The following DLC1 variants were observed in gnomAD, a reference collection of about 807,000 sequenced individuals.
The protein encoded by DLC1 is DLC1 Rho GTPase activating protein.
DLC1 carries 54 observed loss-of-function variants against 140.3 expected under a neutral mutation model. The observed-to-expected ratio is 0.38, with a 90% CI of 0.31 to 0.48. DLC1 has a LOEUF of 0.48. DLC1 is among the 20% of genes least tolerant of loss of function. The probability of loss-of-function intolerance (pLI) is 0.96; values close to 1 mark genes in which losing one functional copy is unlikely to be tolerated. For synonymous variants in DLC1, 986 were observed against 728.1 expected, an observed-to-expected ratio of 1.35 and a Z score of -5.70; for missense variants, 2,536 against 1,907.0, an observed-to-expected ratio of 1.33 and a Z score of -6.14.
intron 5 of DLC1, among the ~76,000 whole-genome samples, chr8:13,300,597 G>A (rs116759228): frequency 7.9e-4 from 120 of 152,176 alleles, no homozygotes; most frequent in African/African-American, 2.8e-3. Context: ...CACATTGGTC[G>A]GCCTCCCAGG....
At chr8:13,353,796 G>C (rs531420770) in intron 4 of DLC1, among the ~76,000 whole-genome samples, 2 of 152,072 alleles carry the variant, frequency 1.3e-5, no homozygotes, top group South Asian at 4.2e-4. Context: ...GGCAGAGGTT[G>C]CAGTGAGCTG....
intron 1 of DLC1, among the ~76,000 whole-genome samples, chr8:13,586,614 C>CA (rs1222863839): frequency 1.3e-5 from 2 of 151,358 alleles, no homozygotes; most frequent in Non-Finnish European, 3.0e-5. Flanking sequence ...CACACACACA[C>CA]ACACACACAC....
At chr8:13,110,661 A>C in intron 7 of DLC1, 81 bp downstream of exon 7, 1 of 1,354,470 alleles carries the variant, frequency 7.4e-7, no homozygotes, top group East Asian at 2.3e-5. Flanking sequence ...CAAGAACAAA[A>C]GCAAACAAAG....
intron 4 of DLC1, among the ~76,000 whole-genome samples, chr8:13,355,577 C>A (rs1318557651): frequency 6.6e-6 from 1 of 152,062 alleles, no homozygotes; most frequent in Non-Finnish European, 1.5e-5. Flanking sequence ...CAGATCAGGA[C>A]CCCACCTTCT....
chr8:13,452,968 C>G (rs1563359050), intron 2 of DLC1, among the ~76,000 whole-genome samples: 1 of 151,912 alleles, frequency 6.6e-6, no homozygotes, highest in Non-Finnish European at 1.5e-5. Flanking sequence ...CTCACAGTTT[C>G]TTGTTGTTGT....
chr8:13,200,668 A>C (rs1225595893), intron 5 of DLC1, among the ~76,000 whole-genome samples: 1 of 151,838 alleles, frequency 6.6e-6, no homozygotes, highest in African/African-American at 2.4e-5. Context: ...GCAGTAGTAC[A>C]GTCATAAGTC....
At chr8:13,189,405 G>C (rs1167646157) in intron 5 of DLC1, among the ~76,000 whole-genome samples, 1 of 152,044 alleles carries the variant, frequency 6.6e-6, no homozygotes, top group Non-Finnish European at 1.5e-5. Flanking sequence ...TTAAGGCTGA[G>C]AGTTCAAGGC....
At chr8:13,481,219 G>A (rs1321090553) in intron 2 of DLC1, among the ~76,000 whole-genome samples, 1 of 152,124 alleles carries the variant, frequency 6.6e-6, no homozygotes, top group Non-Finnish European at 1.5e-5. Flanking sequence ...GAGCTCAAGA[G>A]TTTGAGACCA....
intron 2 of DLC1, among the ~76,000 whole-genome samples, chr8:13,431,504 A>AAAAAAAAAAAAG (rs1838867292): frequency 3.3e-5 from 5 of 149,286 alleles, no homozygotes; most frequent in African/African-American, 1.2e-4. Flanking sequence ...AAAAAAAAAA[A>AAAAAAAAAAAAG]AAAAAAAAAA....
intron 5 of DLC1, among the ~76,000 whole-genome samples, chr8:13,206,276 A>T (rs951015108): frequency 6.6e-6 from 1 of 152,192 alleles, no homozygotes; most frequent in Non-Finnish European, 1.5e-5. Flanking sequence ...GCTAAAATAC[A>T]TTCCTTTGAA....
At chr8:13,395,187 C>G (rs1030282637) in intron 3 of DLC1, among the ~76,000 whole-genome samples, 21 of 150,848 alleles carry the variant, frequency 1.4e-4, no homozygotes, top group African/African-American at 4.6e-4. Context: ...ATGGCGCAAT[C>G]TTGGCTCACT....
chr8:13,392,600 A>G (rs1427461226), intron 4 of DLC1, among the ~76,000 whole-genome samples: 1 of 152,166 alleles, frequency 6.6e-6, no homozygotes, highest in Non-Finnish European at 1.5e-5. Flanking sequence ...ATAATACAAC[A>G]CTATGATTTT....
intron 5 of DLC1, among the ~76,000 whole-genome samples, chr8:13,281,131 A>T (rs963758986): frequency 6.6e-6 from 1 of 152,224 alleles, no homozygotes; most frequent in Non-Finnish European, 1.5e-5. Context: ...CGTGTATGTT[A>T]TATGCCATGG....
intron 5 of DLC1, among the ~76,000 whole-genome samples, chr8:13,221,602 C>G (rs1828551462): frequency 6.6e-6 from 1 of 150,440 alleles, no homozygotes; most frequent in Non-Finnish European, 1.5e-5. Flanking sequence ...AACCCCTGAC[C>G]TCAAGTGATC....
chr8:13,344,348 C>T (rs1834216687), intron 4 of DLC1, among the ~76,000 whole-genome samples: 1 of 152,118 alleles, frequency 6.6e-6, no homozygotes, highest in African/African-American at 2.4e-5. Flanking sequence ...ACAAAATTAG[C>T]CGGGCATGGT....
intron 1 of DLC1, among the ~76,000 whole-genome samples, chr8:13,602,081 A>G (rs527276846): frequency 6.6e-6 from 1 of 151,992 alleles, no homozygotes; most frequent in South Asian, 2.1e-4. Context: ...AACATAAATC[A>G]TGAATCTGAG....
chr8:13,451,068 A>AAAAAAAAAAAAAAG (rs1799028861), intron 2 of DLC1, among the ~76,000 whole-genome samples: 2 of 143,978 alleles, frequency 1.4e-5, no homozygotes, highest in East Asian at 4.0e-4. Flanking sequence ...AAAAAAAAAA[A>AAAAAAAAAAAAAAG]GAAAAAAAGA....
At chr8:13,602,427 C>A (rs1257199541) in intron 1 of DLC1, among the ~76,000 whole-genome samples, 4 of 151,752 alleles carry the variant, frequency 2.6e-5, no homozygotes, top group African/African-American at 7.2e-5. Flanking sequence ...GTGATCATTG[C>A]ATTCCAGTAA....
chr8:13,318,193 T>TA (rs1397926477), intron 4 of DLC1, among the ~76,000 whole-genome samples: 12 of 148,194 alleles, frequency 8.1e-5, no homozygotes, highest in Non-Finnish European at 1.0e-4. Context: ...CTCAGCTAAT[T>TA]AAAATTTTTT....
Sources: allele counts gnomAD v4.1 joint callset (sites outside exome capture counted in the v4.1 genomes callset), GRCh38; gene constraint gnomAD v4.1.1; transcripts MANE v1.5; gene names NCBI Gene and HGNC (gene_info 2026-07-23, HGNC 2026-07-21).